The following PRR16 variants were observed in gnomAD, a reference collection of about 807,000 sequenced individuals.
The protein encoded by PRR16 is proline rich 16.
Under a neutral mutation model 18.2 loss-of-function variants are expected in PRR16, and 6 were observed. That is an observed-to-expected ratio of 0.33 (90% confidence interval 0.18 to 0.65). The LOEUF is 0.65. Ranked by LOEUF, PRR16 falls within the 30% of genes least tolerant of loss-of-function variation. The pLI is 0.74. For missense variants in PRR16, 412 were observed against 376.6 expected, an observed-to-expected ratio of 1.09 and a Z score of -0.78; for synonymous variants, 151 against 147.8, an observed-to-expected ratio of 1.02 and a Z score of -0.16.
the PRR16 span, among the ~76,000 whole-genome samples, chr5:120,759,648 G>C: frequency 6.6e-6 from 1 of 152,068 alleles, no homozygotes; most frequent in Non-Finnish European, 1.5e-5. Flanking sequence ...AAACTTTATA[G>C]TACAAAGAGT....
At chr5:120,761,865 C>A in the PRR16 span, among the ~76,000 whole-genome samples, 1 of 152,016 alleles carries the variant, frequency 6.6e-6, no homozygotes, top group Non-Finnish European at 1.5e-5. Context: ...TCTTCATTTA[C>A]CTCCCCCCAA....
At chr5:120,715,500 A>G in the PRR16 span, among the ~76,000 whole-genome samples, 1 of 152,226 alleles carries the variant, frequency 6.6e-6, no homozygotes, top group African/African-American at 2.4e-5. Flanking sequence ...ATTTTTAATG[A>G]TAATTCTTCA....
At chr5:120,474,352 C>T (rs1221126182) in intron 1 of PRR16, among the ~76,000 whole-genome samples, 1 of 152,124 alleles carries the variant, frequency 6.6e-6, no homozygotes, top group Non-Finnish European at 1.5e-5. Flanking sequence ...ATGCCAGTAG[C>T]AACCAAAATG....
the PRR16 span, among the ~76,000 whole-genome samples, chr5:120,760,263 G>C: frequency 1.3e-5 from 2 of 152,048 alleles, no homozygotes; most frequent in African/African-American, 4.8e-5. Context: ...GGGCATATCA[G>C]TAAGAATTCA....
At chr5:120,508,963 G>C (rs539886057) in intron 1 of PRR16, among the ~76,000 whole-genome samples, 3 of 151,680 alleles carry the variant, frequency 2.0e-5, no homozygotes, top group South Asian at 2.1e-4. Context: ...AGTTGGGTGA[G>C]GGGGGGGATA....
intron 1 of PRR16, among the ~76,000 whole-genome samples, chr5:120,521,464 A>G (rs1219581203): frequency 6.6e-6 from 1 of 152,064 alleles, no homozygotes; most frequent in Non-Finnish European, 1.5e-5. Context: ...ACTACAAATT[A>G]CAGTCTGCTG....
chr5:120,682,481 A>T (rs1205503540), intron 1 of PRR16, among the ~76,000 whole-genome samples: 1 of 152,188 alleles, frequency 6.6e-6, no homozygotes, highest in Non-Finnish European at 1.5e-5. Flanking sequence ...TAGAGACTGA[A>T]ACCAGGTAGG....
chr5:120,650,313 G>A (rs1333693542), intron 1 of PRR16, among the ~76,000 whole-genome samples: 1 of 150,830 alleles, frequency 6.6e-6, no homozygotes, highest in Non-Finnish European at 1.5e-5. Flanking sequence ...ATTATCAAAT[G>A]ATTTTTTTTC....
chr5:120,661,885 A>C (rs1475078691), intron 1 of PRR16, among the ~76,000 whole-genome samples: 1 of 152,122 alleles, frequency 6.6e-6, no homozygotes, highest in African/African-American at 2.4e-5. Context: ...CTGAGGAACC[A>C]CTAGTATGTT....
the PRR16 span, among the ~76,000 whole-genome samples, chr5:120,743,561 A>T: frequency 6.6e-6 from 1 of 152,144 alleles, no homozygotes; most frequent in African/African-American, 2.4e-5. Context: ...TACAATGGTA[A>T]GGAACTTTGC....
chr5:120,783,403 A>T, the PRR16 span, among the ~76,000 whole-genome samples: 1 of 152,060 alleles, frequency 6.6e-6, no homozygotes, highest in Non-Finnish European at 1.5e-5. Flanking sequence ...ACTTCTCAAA[A>T]CTTAGAACTG....
At chr5:120,695,846 G>T in the PRR16 span, among the ~76,000 whole-genome samples, 1 of 151,840 alleles carries the variant, frequency 6.6e-6, no homozygotes, top group Non-Finnish European at 1.5e-5. Flanking sequence ...ACTTCGTTTT[G>T]TAAGCCTTGC....
chr5:120,617,220 C>A, intron 1 of PRR16: 1 of 964,728 alleles, frequency 1.0e-6, no homozygotes, highest in Non-Finnish European at 1.2e-6. Flanking sequence ...ATGATGTTTG[C>A]AGGAATTTGG....
At chr5:120,698,621 C>G in the PRR16 span, among the ~76,000 whole-genome samples, 1 of 151,774 alleles carries the variant, frequency 6.6e-6, no homozygotes, top group Non-Finnish European at 1.5e-5. Context: ...CTAAGTTGGT[C>G]TGGTGTCTGG....
the PRR16 span, among the ~76,000 whole-genome samples, chr5:120,747,877 CA>C: frequency 2.0e-5 from 3 of 151,972 alleles, no homozygotes; most frequent in Admixed American, 6.6e-5. Flanking sequence ...GTAAAAAAAA[CA>C]ATTATGCGTA....
intron 1 of PRR16, among the ~76,000 whole-genome samples, chr5:120,647,131 G>T (rs1321182307): frequency 6.6e-6 from 1 of 151,880 alleles, no homozygotes; most frequent in African/African-American, 2.4e-5. Context: ...AACCTCAAAA[G>T]GAGTCTATGA....
At chr5:120,734,218 A>C in the PRR16 span, among the ~76,000 whole-genome samples, 1 of 152,164 alleles carries the variant, frequency 6.6e-6, no homozygotes. Flanking sequence ...TCCGGTGACC[A>C]TCTGGGCTTC....
the PRR16 span, among the ~76,000 whole-genome samples, chr5:120,700,836 A>T: frequency 6.6e-6 from 1 of 152,148 alleles, no homozygotes; most frequent in Non-Finnish European, 1.5e-5. Flanking sequence ...TTCCGAGGCG[A>T]TCGGGCAGTG....
intron 1 of PRR16, among the ~76,000 whole-genome samples, chr5:120,497,986 C>G (rs925968749): frequency 6.6e-6 from 1 of 151,372 alleles, no homozygotes; most frequent in Non-Finnish European, 1.5e-5. Flanking sequence ...TACTAACTCT[C>G]TCTTTTAATT....
Sources: gnomAD v4.1 joint callset for allele counts (sites outside exome capture counted in the v4.1 genomes callset) on GRCh38, gnomAD v4.1.1 for gene constraint, MANE v1.5 for transcripts, NCBI Gene and HGNC (gene_info 2026-07-23, HGNC 2026-07-21) for gene names.